The following WDR33 variants were observed in gnomAD, a reference collection of about 807,000 sequenced individuals.
WDR33 encodes pre-mRNA 3' end processing protein WDR33.
WDR33 carries 47 observed loss-of-function variants against 164.9 expected under a neutral mutation model. That is an observed-to-expected ratio of 0.29 (90% CI 0.23 to 0.36). The LOEUF (loss-of-function observed/expected upper bound fraction) is 0.36, where lower values mean the gene tolerates loss of function less well. WDR33 is among the 10% of genes least tolerant of loss of function. WDR33 has a pLI of 1.00. For missense variants in WDR33, 1,137 were observed against 1,754.1 expected, an observed-to-expected ratio of 0.65 and a Z score of 6.28; for synonymous variants, 505 against 589.0, an observed-to-expected ratio of 0.86 and a Z score of 2.06.
rs540351895 is a variant in WDR33, at chr2:127,702,492, A to G, written c.*3831T>C. 1 of 203,542 alleles carries G rather than the reference A, an allele frequency of 4.9e-6. No homozygotes were observed. The highest frequency in any genetic ancestry group is 2.3e-5 in the African/African-American group (1 of 42,690). 12.6% of individuals were successfully genotyped at this position (203,542 alleles called of 1,614,324 possible). On this transcript the variant is annotated 3_prime_UTR_variant, in exon 22 of 22. Transcript: ENST00000322313. ...GTAACTGTGGTCTTAGGTTCGGCTG[A>G]GTAAAGAAAAAGGATTTTTCTTCGA... is the stretch of plus-strand genomic sequence containing the variant.
chr2:127,803,317 C>T (rs984138608), intron 1 of WDR33, among the ~76,000 whole-genome samples: 6 of 152,104 alleles, frequency 3.9e-5, no homozygotes, highest in East Asian at 3.9e-4. Context: ...CAGTGGCTCA[C>T]GTCTGTAATC....
rs963053964 is a variant in WDR33 at position 127,704,131 on chromosome 2, T to C, written c.*2192A>G. The C allele has an allele frequency of 3.0e-5, 5 of 166,466 alleles. No individual in the cohort carries two copies. Among genetic ancestry groups the C allele is most frequent in the Non-Finnish European group, 5.9e-5 (4 of 68,066 alleles). The allele number at this position is 166,466 out of a possible 1,614,324, so 10.3% of individuals were successfully genotyped here. On this transcript the variant is annotated 3_prime_UTR_variant, in exon 22 of 22. Transcript: ENST00000322313. ...AGCGAGACCTTGTCTCAAAAATTTT[T>C]TCTCAAATCAAACATCATTGAAAAT...
Position 127,712,436 on chromosome 2 carries a change from G to A in WDR33, c.3308+1147C>T, listed in dbSNP as rs1045808348. Among the ~76,000 whole-genome samples, 2 of 151,928 alleles carry A rather than the reference G, an allele frequency of 1.3e-5. No individual in the cohort carries two copies. Among genetic ancestry groups the A allele is most frequent in the African/African-American group, 2.4e-5 (1 of 41,376 alleles). On this transcript the variant is annotated intron_variant, in intron 18 of 21. Transcript: ENST00000322313. This position sits in a 1 kb window ranked among gnomAD's most constrained non-coding sequence, Gnocchi z 4.0. ...AAAAAGAAATGGGATGAAAGGACACGGAAGGCTAAGGAGTAATCAGAGACT... is the reference window on the plus strand; with the variant it reads ...AAAAAGAAATGGGATGAAAGGACACAGAAGGCTAAGGAGTAATCAGAGACT...
rs749265737 is a variant in WDR33, at chr2:127,706,543, C to T, written c.3791G>A (p.Gly1264Asp). Residue 1264 changes from glycine to aspartate, a missense_variant, in exon 22 of 22, where the codon GGC (glycine) becomes GAC (aspartate). Physicochemically the swap from Gly to Asp is moderately conservative, Grantham distance 94. This residue lies in a region of WDR33 where 867 missense variants were observed against 1,073.0 expected (regional missense o/e 0.81). Coordinates refer to ENST00000322313, the MANE Select transcript of WDR33 (RefSeq NM_018383.5). The surrounding 1 kb of genome is among the most constrained non-coding windows in gnomAD (Gnocchi z 5.1). Reference sequence around the variant, plus strand: ...GGGCACTCTCTGAGCAGGTCCTGGGCCCCCTCGGCCTGAAACAAAGAAAAT... The same window carrying T: ...GGGCACTCTCTGAGCAGGTCCTGGGTCCCCTCGGCCTGAAACAAAGAAAAT... Reference protein sequence around the residue: ...SEDRGGKGRGGPGPAQRVPKS... With the variant: ...SEDRGGKGRGDPGPAQRVPKS... The T allele has an allele frequency of 1.3e-6, 2 of 1,588,494 alleles. No individual in the cohort carries two copies. Among genetic ancestry groups the T allele is most frequent in the Non-Finnish European group, 1.7e-6 (2 of 1,172,772 alleles).
Position 127,763,262 on chromosome 2 carries a change from C to A in WDR33, c.627-103G>T. The A allele has an allele frequency of 6.4e-7, 1 of 1,565,006 alleles. No homozygotes were observed. On this transcript the variant is annotated intron_variant, in intron 6 of 21. Coordinates refer to ENST00000322313, the MANE Select transcript of WDR33 (RefSeq NM_018383.5). The surrounding 1 kb of genome is among the most constrained non-coding windows in gnomAD (Gnocchi z 4.5). ...TAAAAACACTGTGCTGCATTATAAA[C>A]AGGAGAGGGAAGAATCCAGTGAAGA...
At chr2:127,753,126 C>T (rs948147164) in intron 7 of WDR33, among the ~76,000 whole-genome samples, 1 of 151,824 alleles carries the variant, frequency 6.6e-6, no homozygotes, top group African/African-American at 2.4e-5. Context: ...GGGGTTTCAC[C>T]ATGTTGGCCA....
intron 7 of WDR33, among the ~76,000 whole-genome samples, chr2:127,759,763 C>T (rs1054465557): frequency 1.8e-4 from 27 of 151,360 alleles, no homozygotes; most frequent in African/African-American, 6.6e-4. Context: ...AAGTACAAGT[C>T]CAGTGTGGTG....
intron 1 of WDR33, among the ~76,000 whole-genome samples, chr2:127,804,509 A>AT (rs1573489680): frequency 6.6e-6 from 1 of 152,176 alleles, no homozygotes; most frequent in Non-Finnish European, 1.5e-5. Context: ...GGAGAAGTGC[A>AT]TATCTGTGAA....
Position 127,717,837 on chromosome 2 carries a change from T to C in WDR33, c.2761-574A>G, listed in dbSNP as rs1686336101. 6.6e-6 allele frequency among the ~76,000 whole-genome samples: 1 copy of C among 152,210 alleles called. No homozygotes were observed. The highest frequency in any genetic ancestry group is 2.1e-4 in the South Asian group (1 of 4,834). On this transcript the variant is annotated intron_variant, in intron 16 of 21. Coordinates refer to ENST00000322313, the MANE Select transcript of WDR33 (RefSeq NM_018383.5). The surrounding 1 kb of genome is among the most constrained non-coding windows in gnomAD (Gnocchi z 5.6). ...AGAAACTCAGGCATGTCCTTGTGACTCTGACATGTTTATAAATATTTCAGT... is the reference window on the plus strand; with the variant it reads ...AGAAACTCAGGCATGTCCTTGTGACCCTGACATGTTTATAAATATTTCAGT...
At chr2:127,737,082 G>A in intron 7 of WDR33, 1 of 985,272 alleles carries the variant, frequency 1.0e-6, no homozygotes, top group Non-Finnish European at 1.2e-6. Context: ...AGTATGTTTT[G>A]TGCTAACCAG....
chr2:127,702,160 A>G lies in WDR33; in HGVS notation c.*4163T>C. 1 of 1,215,268 alleles carries G rather than the reference A, an allele frequency of 8.2e-7. No individual in the cohort carries two copies. The highest frequency in any genetic ancestry group is 1.0e-6 in the Non-Finnish European group (1 of 977,694). The allele number at this position is 1,215,268 out of a possible 1,614,324, so 75.3% of individuals were successfully genotyped here. On this transcript the variant is annotated 3_prime_UTR_variant, in exon 22 of 22. Transcript: ENST00000322313. ...CTGGGCCGCGGCGCCGGCCTCGCCA[A>G]GGTGCTGCCCGTGTGAGGACCTCGC...
In WDR33 at chr2:127,701,939, C is replaced by G; in HGVS notation, c.*4384G>C. ...GCGCGGCGTGCGGACGCCTGCTGCG[C>G]TGCGAAGAAGCGCCGTCCCGGCCCG... On this transcript the variant is annotated 3_prime_UTR_variant, in exon 22 of 22. Transcript: ENST00000322313. 7.0e-7 allele frequency: 1 copy of G among 1,422,134 alleles called. No individual in the cohort carries two copies. The highest frequency in any genetic ancestry group is 1.4e-5 in the South Asian group (1 of 71,320). 88.1% of individuals were successfully genotyped at this position (1,422,134 alleles called of 1,614,324 possible). A position where few individuals can be genotyped will look rare whatever the true frequency, so the allele number is the denominator to read the frequency against.
In WDR33 at chr2:127,763,148, G is replaced by A. The variant is rs780140216; in HGVS notation, c.638C>T (p.Thr213Met). The change falls in exon 7 of 22, where the codon ACG becomes ATG. Residue 213 changes from threonine to methionine, a missense_variant. Transcript: ENST00000322313. This position sits in a 1 kb window ranked among gnomAD's most constrained non-coding sequence, Gnocchi z 4.5. ...EAIREASFSPTDNKFATCSDD... is the reference protein window; with the variant it reads ...EAIREASFSPMDNKFATCSDD... The stretch of plus-strand genomic sequence containing the variant: ...AGAGCATGTAGCAAATTTATTATCC[G>A]TGGGTGAGAAACTGTTACATGAAGA... 26 of 1,613,916 alleles carry A rather than the reference G, an allele frequency of 1.6e-5. No homozygotes were observed. Among genetic ancestry groups the A allele is most frequent in the Non-Finnish European group, 1.7e-6 (2 of 1,179,922 alleles).
chr2:127,806,590 T>C (rs1439230131), intron 1 of WDR33, among the ~76,000 whole-genome samples: 7 of 152,128 alleles, frequency 4.6e-5, no homozygotes, highest in Non-Finnish European at 1.0e-4. Context: ...GAGACTGCTC[T>C]TTGGTCTTTG....
chr2:127,703,406 CCA>C lies in WDR33; in HGVS notation c.*2915_*2916del, dbSNP rs2105365551. 1 of 167,154 alleles carries C rather than the reference CCA, an allele frequency of 6.0e-6. No homozygotes were observed. The highest frequency in any genetic ancestry group is 1.9e-4 in the East Asian group (1 of 5,186). The allele number at this position is 167,154 out of a possible 1,614,324, so 10.4% of individuals were successfully genotyped here. A position where few individuals can be genotyped will look rare whatever the true frequency, so the allele number is the denominator to read the frequency against. ...AGTAATGCTTTTCCTGAGCTGGATCCCAGTGTTGCCTTAACAGGGTGTCTGTC... is the reference window on the plus strand; with the variant it reads ...AGTAATGCTTTTCCTGAGCTGGATCCGTGTTGCCTTAACAGGGTGTCTGTC... On this transcript the variant is annotated 3_prime_UTR_variant, in exon 22 of 22. Transcript: ENST00000322313.
Position 127,705,807 on chromosome 2 carries a change from C to T in WDR33, c.*516G>A, listed in dbSNP as rs983305652. 2 of 152,590 alleles carry T rather than the reference C, an allele frequency of 1.3e-5. No individual in the cohort carries two copies. The highest frequency in any genetic ancestry group is 4.8e-5 in the African/African-American group (2 of 41,422). 9.5% of individuals were successfully genotyped at this position (152,590 alleles called of 1,614,324 possible). On this transcript the variant is annotated 3_prime_UTR_variant, in exon 22 of 22. Transcript: ENST00000322313. The surrounding 1 kb of genome is among the most constrained non-coding windows in gnomAD (Gnocchi z 4.5). ...TCACAGCTGAGATTAATTTAGATAA[C>T]CTAGTGGTTAATATGCTCATGAACA...
At chr2:127,800,488 T>G (rs1019792592) in intron 1 of WDR33, among the ~76,000 whole-genome samples, 28 of 151,948 alleles carry the variant, frequency 1.8e-4, no homozygotes, top group African/African-American at 6.3e-4. Context: ...TTCAAAAAAA[T>G]TAGCCAGGCG....
Position 127,702,100 on chromosome 2 carries a change from G to T in WDR33, c.*4223C>A. 1.6e-6 allele frequency: 2 copies of T among 1,216,992 alleles called. No homozygotes were observed. The highest frequency in any genetic ancestry group is 3.4e-5 in the East Asian group (1 of 29,212). 75.4% of individuals were successfully genotyped at this position (1,216,992 alleles called of 1,614,324 possible). On this transcript the variant is annotated 3_prime_UTR_variant, in exon 22 of 22. Transcript: ENST00000322313. Reference sequence around the variant, plus strand: ...GCGCTGGTTGGGCTGCTGCCCTGGGGCGGCGGCACCGCGCTGCGCCTCGCA... The same window carrying T: ...GCGCTGGTTGGGCTGCTGCCCTGGGTCGGCGGCACCGCGCTGCGCCTCGCA...
At chr2:127,780,208 C>T (rs555240640) in intron 1 of WDR33, among the ~76,000 whole-genome samples, 3 of 152,122 alleles carry the variant, frequency 2.0e-5, no homozygotes, top group East Asian at 1.9e-4. Context: ...CTCCTGACCT[C>T]GTGATCCGCC....
Sources: allele counts gnomAD v4.1 joint callset (sites outside exome capture counted in the v4.1 genomes callset), GRCh38; gene constraint gnomAD v4.1.1; regional missense constraint gnomAD v4.1.1; non-coding constraint Gnocchi (gnomAD v3.1); transcripts MANE v1.5; gene names NCBI Gene and HGNC (gene_info 2026-07-23, HGNC 2026-07-21).